GPR176: variants seen among roughly 807,000 people sequenced by gnomAD.
GPR176 encodes G protein-coupled receptor 176, also known as G-protein coupled receptor 176.
A neutral mutation model predicts 35.4 loss-of-function variants in GPR176; 26 were observed. The ratio of observed to expected loss-of-function variants is 0.74; its 90% CI spans 0.54 to 1.02. GPR176 has a LOEUF of 1.02. GPR176 is among the 50% of genes least tolerant of loss of function. GPR176 has a pLI of 0.00. For missense variants in GPR176, 597 were observed against 665.3 expected, an observed-to-expected ratio of 0.90 and a Z score of 1.13; for synonymous variants, 278 against 271.3, an observed-to-expected ratio of 1.02 and a Z score of -0.24.
At chr15:39,840,372 T>A (rs948148141) in intron 1 of GPR176, among the ~76,000 whole-genome samples, 1 of 152,114 alleles carries the variant, frequency 6.6e-6, no homozygotes, top group Admixed American at 6.5e-5. Context: ...CTGAGCAAAC[T>A]ATTGCAAGGA....
intron 1 of GPR176, among the ~76,000 whole-genome samples, chr15:39,874,524 T>C (rs1373742012): frequency 2.6e-5 from 4 of 152,196 alleles, no homozygotes; most frequent in Non-Finnish European, 5.9e-5. Context: ...ATTGAAACAG[T>C]AGTTTACATG....
intron 1 of GPR176, among the ~76,000 whole-genome samples, chr15:39,825,102 G>A (rs1184322854): frequency 6.6e-6 from 1 of 152,178 alleles, no homozygotes; most frequent in Non-Finnish European, 1.5e-5. Flanking sequence ...AGCTACTTGG[G>A]AGGCTGAGAT....
At chr15:39,866,428 T>C (rs1179136842) in intron 1 of GPR176, among the ~76,000 whole-genome samples, 1 of 152,094 alleles carries the variant, frequency 6.6e-6, no homozygotes, top group Non-Finnish European at 1.5e-5. Context: ...ATTAGTAACA[T>C]AACTACACAA....
chr15:39,853,395 C>T (rs1275306608), intron 1 of GPR176, among the ~76,000 whole-genome samples: 14 of 151,928 alleles, frequency 9.2e-5, no homozygotes, highest in African/African-American at 3.1e-4. Flanking sequence ...TGGTGGTTTC[C>T]AGGAGCTGGG....
At chr15:39,884,412 G>C (rs1041069449) in intron 1 of GPR176, among the ~76,000 whole-genome samples, 2 of 152,152 alleles carry the variant, frequency 1.3e-5, no homozygotes, top group Non-Finnish European at 2.9e-5. Flanking sequence ...CCTTGTATAA[G>C]GACCACCTAA....
At chr15:39,827,786 T>G (rs568058295) in intron 1 of GPR176, among the ~76,000 whole-genome samples, 3 of 152,248 alleles carry the variant, frequency 2.0e-5, no homozygotes, top group Non-Finnish European at 4.4e-5. Context: ...GCATGTACCT[T>G]GCACAATCCT....
intron 1 of GPR176, among the ~76,000 whole-genome samples, chr15:39,909,225 C>G (rs146906343): frequency 3.9e-5 from 6 of 152,266 alleles, no homozygotes; most frequent in African/African-American, 9.6e-5. Flanking sequence ...ATCAGATTCT[C>G]TCTGTAAGGT....
chr15:39,839,602 G>A (rs1901620137), intron 1 of GPR176, among the ~76,000 whole-genome samples: 1 of 152,040 alleles, frequency 6.6e-6, no homozygotes, highest in Non-Finnish European at 1.5e-5. Context: ...CAAAAGCAAT[G>A]GCAACAAAAG....
chr15:39,885,990 T>C (rs1267766627), intron 1 of GPR176, among the ~76,000 whole-genome samples: 1 of 152,108 alleles, frequency 6.6e-6, no homozygotes, highest in Admixed American at 6.5e-5. Flanking sequence ...TCCCAACATT[T>C]TGGGAGGCCA....
chr15:39,855,918 C>T lies in GPR176; in HGVS notation c.173-48660G>A, dbSNP rs1435803021. 3.9e-5 allele frequency among the ~76,000 whole-genome samples: 6 copies of T among 152,182 alleles called. No homozygotes were observed. The East Asian group carries it at 9.6e-4, about 24-fold the overall frequency. The stretch of plus-strand genomic sequence containing the variant: ...GCAGTGCTATGTTCTAACCACCTTA[C>T]ATATGTAAATTCATTTAACCTCAAA... On this transcript the variant is annotated intron_variant, in intron 1 of 2. Coordinates refer to ENST00000561100, the MANE Select transcript of GPR176 (RefSeq NM_007223.3).
At chr15:39,803,046 T>C (rs1449373752) in intron 2 of GPR176, among the ~76,000 whole-genome samples, 4 of 152,214 alleles carry the variant, frequency 2.6e-5, no homozygotes, top group Non-Finnish European at 1.5e-5. Context: ...GCATGCCGTT[T>C]CAATATCACC....
chr15:39,873,335 A>G (rs921329683), intron 1 of GPR176, among the ~76,000 whole-genome samples: 5 of 152,190 alleles, frequency 3.3e-5, no homozygotes, highest in African/African-American at 1.2e-4. Flanking sequence ...TTCTCAGGTA[A>G]TAAGGTCTGG....
intron 1 of GPR176, among the ~76,000 whole-genome samples, chr15:39,840,253 C>T (rs1364124899): frequency 2.0e-5 from 3 of 152,076 alleles, no homozygotes; most frequent in Admixed American, 6.6e-5. Context: ...CAATGATAGA[C>T]TAGATTAAGA....
At chr15:39,842,294 T>G in intron 1 of GPR176, among the ~76,000 whole-genome samples, 1 of 149,342 alleles carries the variant, frequency 6.7e-6, no homozygotes. Context: ...GAAGAGAGAG[T>G]GAAGTGGGGA....
chr15:39,834,570 C>CA (rs1312067936), intron 1 of GPR176, among the ~76,000 whole-genome samples: 2 of 152,044 alleles, frequency 1.3e-5, no homozygotes, highest in East Asian at 3.9e-4. Context: ...AAATGTGATA[C>CA]ATATACACAA....
At chr15:39,856,761 A>G (rs991006232) in intron 1 of GPR176, among the ~76,000 whole-genome samples, 8 of 152,180 alleles carry the variant, frequency 5.3e-5, no homozygotes, top group South Asian at 2.1e-4. Flanking sequence ...ATCACACTCA[A>G]TGGGATGAAT....
intron 1 of GPR176, among the ~76,000 whole-genome samples, chr15:39,913,538 C>G (rs2033634005): frequency 6.7e-6 from 1 of 150,258 alleles, no homozygotes; most frequent in Admixed American, 6.6e-5. Context: ...GAATAAGACC[C>G]TGTCTCAAAA....
chr15:39,894,994 C>T lies in GPR176; in HGVS notation c.172+24861G>A, dbSNP rs1264829938. Among the ~76,000 whole-genome samples, 5 of 152,206 alleles carry T rather than the reference C, an allele frequency of 3.3e-5. No homozygotes were observed. In the East Asian group the frequency reaches 7.7e-4, roughly 23 times the overall value. On this transcript the variant is annotated intron_variant, in intron 1 of 2. Transcript: ENST00000561100. ...CTGCAATCCCCGCACCTCGGGAGGC[C>T]GAGGCTGGCGGATCACTTGCAGTTA...
At chr15:39,865,277 T>C (rs1358045137) in intron 1 of GPR176, among the ~76,000 whole-genome samples, 3 of 152,032 alleles carry the variant, frequency 2.0e-5, no homozygotes, top group African/African-American at 4.8e-5. Context: ...CTATCCACAA[T>C]AGCAAAGATA....
Sources: gnomAD v4.1 joint callset for allele counts (sites outside exome capture counted in the v4.1 genomes callset) on GRCh38, gnomAD v4.1.1 for gene constraint, MANE v1.5 for transcripts, NCBI Gene and HGNC (gene_info 2026-07-23, HGNC 2026-07-21) for gene names.